Variants in TEX11 observed in about 807,000 individuals in gnomAD.
TEX11 encodes the protein testis expressed 11.
A neutral mutation model predicts 84.4 loss-of-function variants in TEX11; 7 were observed. The observed-to-expected ratio is 0.08, with a 90% CI of 0.05 to 0.16. The LOEUF is 0.16. Among genes scored for constraint, TEX11 ranks in the 10% least tolerant of loss-of-function variants. The pLI is 1.00. For missense variants in TEX11, 551 were observed against 660.5 expected, an observed-to-expected ratio of 0.83 and a Z score of 1.82; for synonymous variants, 264 against 222.8, an observed-to-expected ratio of 1.18 and a Z score of -1.64.
chrX:70,675,711 C>T (rs1260173071), intron 15 of TEX11, among the ~76,000 whole-genome samples: 1 of 110,885 alleles, frequency 9.0e-6, no homozygotes, highest in Non-Finnish European at 1.9e-5. Flanking sequence ...CTCATTGCAA[C>T]ATCTGCCTCC....
intron 11 of TEX11, among the ~76,000 whole-genome samples, chrX:70,726,890 G>A (rs2090603938): frequency 9.2e-6 from 1 of 108,486 alleles, no homozygotes; most frequent in Non-Finnish European, 1.9e-5. Context: ...CTGGAGTGCA[G>A]TGGTACAAAC....
chrX:70,757,576 C>T (rs1023493072), intron 9 of TEX11, among the ~76,000 whole-genome samples: 1 of 111,695 alleles, frequency 9.0e-6, no homozygotes, highest in Non-Finnish European at 1.9e-5. Context: ...AATGCTGAGA[C>T]ATTTTGTCAC....
intron 25 of TEX11, among the ~76,000 whole-genome samples, chrX:70,567,688 G>T (rs961109524): frequency 3.6e-5 from 4 of 111,469 alleles, no homozygotes; most frequent in Non-Finnish European, 5.6e-5. Context: ...GGAGCAGGTT[G>T]TTCAGTTTCC....
intron 16 of TEX11, among the ~76,000 whole-genome samples, chrX:70,662,382 T>C (rs1021502895): frequency 8.9e-6 from 1 of 111,934 alleles, no homozygotes; most frequent in South Asian, 3.7e-4. Flanking sequence ...ACCAAATCTA[T>C]GTCTGATTGG....
intron 9 of TEX11, among the ~76,000 whole-genome samples, chrX:70,793,868 CA>C (rs113781168): frequency 0.036 from 3,267 of 91,297 alleles, 111 homozygotes; most frequent in African/African-American, 0.11. Flanking sequence ...CTAAAGCCTC[CA>C]AAAAAAAAAA....
intron 20 of TEX11, among the ~76,000 whole-genome samples, chrX:70,620,905 G>C (rs1206555303): frequency 8.9e-6 from 1 of 111,788 alleles, no homozygotes; most frequent in Non-Finnish European, 1.9e-5. Flanking sequence ...GAGACAGTAA[G>C]GGGTTGATGA....
At chrX:70,767,135 ATCT>A (rs1280050596) in intron 9 of TEX11, among the ~76,000 whole-genome samples, 1 of 111,655 alleles carries the variant, frequency 9.0e-6, no homozygotes, top group African/African-American at 3.3e-5. Flanking sequence ...CAAGTTTAAA[ATCT>A]TCTGCACAGC....
At chrX:70,837,024 A>G (rs1356283054) in intron 7 of TEX11, among the ~76,000 whole-genome samples, 5 of 111,020 alleles carry the variant, frequency 4.5e-5, no homozygotes, top group Non-Finnish European at 9.5e-5. Context: ...CTCAAAAGAA[A>G]ACAAGAAAAC....
chrX:70,659,322 T>C (rs1263501045), intron 16 of TEX11, among the ~76,000 whole-genome samples: 1 of 112,196 alleles, frequency 8.9e-6, no homozygotes. Flanking sequence ...GGGGTTAATA[T>C]CTGAAATATA....
intron 2 of TEX11, among the ~76,000 whole-genome samples, chrX:70,898,205 G>C (rs2091783773): frequency 9.0e-6 from 1 of 110,842 alleles, no homozygotes; most frequent in African/African-American, 3.3e-5. Flanking sequence ...TAGGATGAAG[G>C]GAAAAAATTA....
intron 7 of TEX11, among the ~76,000 whole-genome samples, chrX:70,838,811 T>TA (rs1259659419): frequency 1.8e-5 from 2 of 112,299 alleles, no homozygotes; most frequent in Non-Finnish European, 3.8e-5. Flanking sequence ...CCAACGGGCT[T>TA]AAAAAATGGC....
At chrX:70,578,662 A>G (rs1385166328) in intron 25 of TEX11, among the ~76,000 whole-genome samples, 2 of 110,819 alleles carry the variant, frequency 1.8e-5, no homozygotes, top group Non-Finnish European at 3.8e-5. Flanking sequence ...TATATCATAA[A>G]GTTTCCTAAA....
At chrX:70,761,504 A>G (rs1251061815) in intron 9 of TEX11, among the ~76,000 whole-genome samples, 2 of 111,779 alleles carry the variant, frequency 1.8e-5, no homozygotes, top group African/African-American at 6.5e-5. Context: ...GCAAACTATC[A>G]CAAGGACAGA....
rs188603291 is a variant in TEX11, at chrX:70,722,769, C to T, written c.926-73G>A. 2,691 of 843,700 alleles carry T rather than the reference C, an allele frequency of 3.2e-3. 3 individuals are homozygous for T. Among genetic ancestry groups the T allele is most frequent in the Non-Finnish European group, 4.2e-3 (2,458 of 587,996 alleles). The allele number at this position is 843,700 out of a possible 1,213,427, so 69.5% of individuals were successfully genotyped here. A position where few individuals can be genotyped will look rare whatever the true frequency, so the allele number is the denominator to read the frequency against. On this transcript the variant is annotated intron_variant, in intron 12 of 29. Coordinates refer to ENST00000374333, the MANE Select transcript of TEX11 (RefSeq NM_031276.3). ...AGCTTAGTTATTTTCAATAATTTTC[C>T]TCTATTCAAAATCTACTTACTAAAT... is the stretch of plus-strand genomic sequence containing the variant.
chrX:70,835,163 T>C (rs1030658240), intron 7 of TEX11, among the ~76,000 whole-genome samples: 7 of 112,087 alleles, frequency 6.2e-5, no homozygotes, highest in South Asian at 7.5e-4. Flanking sequence ...TAAATCATTA[T>C]TCAAGGTGGA....
chrX:70,864,324 C>T (rs1007773402), intron 4 of TEX11, among the ~76,000 whole-genome samples: 2 of 111,109 alleles, frequency 1.8e-5, no homozygotes, highest in African/African-American at 6.5e-5. Context: ...ATATTAAGGG[C>T]AGCCAGAGAG....
chrX:70,610,439 T>A, intron 21 of TEX11, 64 bp downstream of exon 21: 1 of 1,039,817 alleles, frequency 9.6e-7, no homozygotes, highest in Non-Finnish European at 1.3e-6. Context: ...CTTAGTGTAC[T>A]TGGAGAATTC....
At chrX:70,766,454 G>A (rs1602110412) in intron 9 of TEX11, among the ~76,000 whole-genome samples, 1 of 109,310 alleles carries the variant, frequency 9.1e-6, no homozygotes, top group South Asian at 4.0e-4. Context: ...CTCAGAAAAA[G>A]AAAGAAAGAA....
At chrX:70,876,894 A>G (rs2091658114) in intron 3 of TEX11, among the ~76,000 whole-genome samples, 1 of 108,712 alleles carries the variant, frequency 9.2e-6, no homozygotes, top group Non-Finnish European at 1.9e-5. Context: ...CTCCAAACCA[A>G]GACACTGTCT....
Sources: allele counts gnomAD v4.1 joint callset (sites outside exome capture counted in the v4.1 genomes callset), GRCh38; gene constraint gnomAD v4.1.1; transcripts MANE v1.5; gene names NCBI Gene and HGNC (gene_info 2026-07-23, HGNC 2026-07-21).